Variants in MAP7 observed in about 807,000 individuals in gnomAD.
The protein encoded by MAP7 is ensconsin.
A neutral mutation model predicts 94.8 loss-of-function variants in MAP7; 52 were observed. The observed-to-expected ratio is 0.55, with a 90% CI of 0.44 to 0.69. The LOEUF is 0.69. Among genes scored for constraint, MAP7 ranks in the 30% least tolerant of loss-of-function variants. The probability of loss-of-function intolerance (pLI) is 0.00; values close to 1 mark genes in which losing one functional copy is unlikely to be tolerated. For missense variants in MAP7, 940 were observed against 964.6 expected (o/e 0.97, Z 0.34); for synonymous variants, 350 against 357.0 (o/e 0.98, Z 0.22).
intron 1 of MAP7, among the ~76,000 whole-genome samples, chr6:136,459,609 T>C (rs985417240): frequency 3.3e-5 from 5 of 152,154 alleles, no homozygotes; most frequent in Non-Finnish European, 7.4e-5. Context: ...CATATGGATA[T>C]CTCTATTGGA....
At chr6:136,468,065 C>T (rs1037868400) in intron 1 of MAP7, among the ~76,000 whole-genome samples, 11 of 152,140 alleles carry the variant, frequency 7.2e-5, no homozygotes, top group African/African-American at 2.4e-4. Flanking sequence ...AGCACCACCC[C>T]TACAGCCCCA....
chr6:136,383,840 G>T, intron 5 of MAP7, 59 bp from the exon 6 acceptor site: 1 of 989,280 alleles, frequency 1.0e-6, no homozygotes, highest in East Asian at 2.5e-5. Flanking sequence ...CAATTTCCTA[G>T]TTCACTGATG....
intron 1 of MAP7, among the ~76,000 whole-genome samples, chr6:136,456,372 A>G (rs1053676654): frequency 2.0e-5 from 3 of 152,292 alleles, no homozygotes. Flanking sequence ...AAATGCCTAC[A>G]TTAAAAAGAA....
intron 1 of MAP7, among the ~76,000 whole-genome samples, chr6:136,482,991 C>T (rs983447509): frequency 2.0e-5 from 3 of 152,018 alleles, no homozygotes; most frequent in Admixed American, 6.6e-5. Context: ...AAGTTTTCCA[C>T]GTCCCTATTG....
chr6:136,378,554 G>A (rs567616639), intron 6 of MAP7, among the ~76,000 whole-genome samples: 1 of 152,138 alleles, frequency 6.6e-6, no homozygotes, highest in African/African-American at 2.4e-5. Flanking sequence ...CAAGGCTAAG[G>A]CTGAAGCAAG....
At chr6:136,534,262 C>T (rs374263112) in intron 1 of MAP7, among the ~76,000 whole-genome samples, 2 of 152,286 alleles carry the variant, frequency 1.3e-5, no homozygotes, top group South Asian at 4.2e-4. Flanking sequence ...GAAATCTGTG[C>T]AGCAGGCTGG....
At chr6:136,403,622 C>T (rs1282640760) in intron 3 of MAP7, among the ~76,000 whole-genome samples, 1 of 152,224 alleles carries the variant, frequency 6.6e-6, no homozygotes, top group Non-Finnish European at 1.5e-5. Flanking sequence ...CACTCTTAGC[C>T]TCTACCGTCA....
chr6:136,427,418 T>C (rs1793492727), intron 1 of MAP7, among the ~76,000 whole-genome samples: 1 of 152,260 alleles, frequency 6.6e-6, no homozygotes. Context: ...AGCTGCTTCA[T>C]GGGGCATGCC....
chr6:136,518,418 G>A (rs1583125117), intron 1 of MAP7, among the ~76,000 whole-genome samples: 2 of 152,174 alleles, frequency 1.3e-5, no homozygotes, highest in South Asian at 4.1e-4. Flanking sequence ...TGGCATAAAT[G>A]TCAAATAATG....
At chr6:136,425,823 G>C (rs1792969591) in intron 1 of MAP7, among the ~76,000 whole-genome samples, 1 of 152,166 alleles carries the variant, frequency 6.6e-6, no homozygotes, top group African/African-American at 2.4e-5. Flanking sequence ...AAGCTTATGG[G>C]AGTTAGCATA....
chr6:136,371,991 T>G (rs1413245813), intron 8 of MAP7, among the ~76,000 whole-genome samples: 1 of 152,270 alleles, frequency 6.6e-6, no homozygotes, highest in Non-Finnish European at 1.5e-5. Flanking sequence ...AATACTTTTT[T>G]GACTAAATTT....
chr6:136,476,233 G>A (rs1810867133), intron 1 of MAP7: 1 of 152,088 alleles, frequency 6.6e-6, no homozygotes, highest in East Asian at 1.9e-4. Context: ...ATCCTGCTTT[G>A]CTTCTGACAG....
intron 8 of MAP7, among the ~76,000 whole-genome samples, chr6:136,367,421 A>G (rs895851565): frequency 6.6e-6 from 1 of 152,132 alleles, no homozygotes; most frequent in Admixed American, 6.5e-5. Context: ...ATGAACTAGT[A>G]CTGTACCTTT....
chr6:136,375,835 G>A (rs890628845), intron 7 of MAP7, among the ~76,000 whole-genome samples: 4 of 152,074 alleles, frequency 2.6e-5, no homozygotes, highest in South Asian at 4.2e-4. Context: ...ATAAAGAGCC[G>A]GTTTGCAGAT....
intron 1 of MAP7, among the ~76,000 whole-genome samples, chr6:136,450,709 G>A (rs9389391): frequency 0.063 from 9,594 of 151,844 alleles, 611 homozygotes; most frequent in African/African-American, 0.16. Context: ...GCCTGAACCC[G>A]GGAGGCAGAG....
intron 1 of MAP7, among the ~76,000 whole-genome samples, chr6:136,502,250 G>C (rs959103437): frequency 6.6e-6 from 1 of 152,226 alleles, no homozygotes; most frequent in African/African-American, 2.4e-5. Context: ...CTTAGGAAGT[G>C]CTCTGTGTGT....
intron 17 of MAP7, 62 bp downstream of exon 17, chr6:136,345,794 C>A: frequency 7.7e-7 from 1 of 1,302,778 alleles, no homozygotes; most frequent in East Asian, 2.3e-5. Flanking sequence ...GGCAGCAGTT[C>A]GTGTCCTCCT....
intron 1 of MAP7, among the ~76,000 whole-genome samples, chr6:136,447,464 A>G (rs1289418706): frequency 7.2e-6 from 1 of 139,440 alleles, no homozygotes; most frequent in Non-Finnish European, 1.6e-5. Flanking sequence ...TTTCTCAAAC[A>G]TTCCTAATTT....
intron 1 of MAP7, among the ~76,000 whole-genome samples, chr6:136,447,674 G>GT (rs1799758680): frequency 6.6e-6 from 1 of 151,958 alleles, no homozygotes; most frequent in Non-Finnish European, 1.5e-5. Context: ...ATAACTGGGT[G>GT]TTTTTTTCAA....
Sources: gnomAD v4.1 joint callset for allele counts (sites outside exome capture counted in the v4.1 genomes callset) on GRCh38, gnomAD v4.1.1 for gene constraint, MANE v1.5 for transcripts, NCBI Gene and HGNC (gene_info 2026-07-23, HGNC 2026-07-21) for gene names.